Variants in DAPK1 observed in about 807,000 individuals in gnomAD.
DAPK1 encodes death-associated protein kinase 1.
In DAPK1, 56 loss-of-function variants were observed where a neutral mutation model predicts 144.9. The ratio of observed to expected loss-of-function variants is 0.39; its 90% CI spans 0.31 to 0.48. The LOEUF (loss-of-function observed/expected upper bound fraction) is 0.48. Among genes scored for constraint, DAPK1 ranks in the 20% least tolerant of loss-of-function variants. The pLI is 0.95. For synonymous variants in DAPK1, 690 were observed against 749.0 expected (o/e 0.92, Z 1.29); for missense variants, 1,454 against 1,875.4 (o/e 0.78, Z 4.15).
At chr9:87,521,750 A>G (rs1031778215) in intron 2 of DAPK1, among the ~76,000 whole-genome samples, 1 of 152,196 alleles carries the variant, frequency 6.6e-6, no homozygotes, top group African/African-American at 2.4e-5. Context: ...GACTTATGGT[A>G]GTTGCTTTGG....
At chr9:87,644,668 A>G (rs1208150106) in intron 11 of DAPK1, among the ~76,000 whole-genome samples, 1 of 152,194 alleles carries the variant, frequency 6.6e-6, no homozygotes, top group African/African-American at 2.4e-5. Context: ...TAGGTAAGAT[A>G]ATGAGAATGA....
rs200137928 is a variant in DAPK1 at position 87,642,034 on chromosome 9, G to T, written c.894G>T (p.Lys298Asn). The part of the protein sequence containing the change: ...ASAVNMEKFK[K>N]FAARKKWKQS... ...CAGTAAACATGGAGAAATTCAAGAA[G>T]TTTGCAGCCCGGAAAAAATGGAAAG... Residue 298 changes from lysine to asparagine, a missense_variant, in exon 10 of 26, where the codon AAG becomes AAT. Lys to Asn is a moderately conservative substitution (Grantham distance 94). Transcript: ENST00000408954. 1.4e-4 allele frequency: 232 copies of T among 1,613,928 alleles called. No homozygotes were observed. Among genetic ancestry groups the T allele is most frequent in the Non-Finnish European group, 1.8e-4 (216 of 1,179,966 alleles).
Position 87,596,000 on chromosome 9 carries a change from CT to C in DAPK1, c.63-8944del, listed in dbSNP as rs1036516712. Among the ~76,000 whole-genome samples, 840 of 147,012 alleles carry C rather than the reference CT, an allele frequency of 5.7e-3. 10 individuals carry two copies. Among genetic ancestry groups the C allele is most frequent in the African/African-American group, 0.019 (780 of 40,186 alleles). On this transcript the variant is annotated intron_variant, in intron 2 of 25. Transcript: ENST00000408954. ...TAATTTTTTAAAAATCACCGCTTTGCTTTTTTTTTTGGTAAAAAGTATTGCT... is the reference window on the plus strand; with the variant it reads ...TAATTTTTTAAAAATCACCGCTTTGCTTTTTTTTTGGTAAAAAGTATTGCT...
chr9:87,620,944 C>T (rs1306684768), intron 3 of DAPK1, among the ~76,000 whole-genome samples: 1 of 152,150 alleles, frequency 6.6e-6, no homozygotes, highest in Non-Finnish European at 1.5e-5. Context: ...TCTCCAAAGC[C>T]TGGGCTGAAG....
At chr9:87,562,095 G>A (rs1826947730) in intron 2 of DAPK1, among the ~76,000 whole-genome samples, 1 of 152,202 alleles carries the variant, frequency 6.6e-6, no homozygotes, top group African/African-American at 2.4e-5. Context: ...GGATTCTCAT[G>A]GGGAGAGGGA....
At position 87,628,208 on chromosome 9, in the gene DAPK1, C is replaced by A. The variant is rs1439376376; in HGVS notation, c.285-9735C>A. ...TGCTGTTCTATGAGAATCCATGCGG[C>A]TCCTTTTAAGTTGTTACTTGAACTT... On this transcript the variant is annotated intron_variant, in intron 3 of 25. Transcript: ENST00000408954. Among the ~76,000 whole-genome samples, 3 of 152,328 alleles carry A rather than the reference C, an allele frequency of 2.0e-5. No homozygotes were observed. The East Asian group carries it at 5.8e-4, about 29-fold the overall frequency.
chr9:87,503,732 A>C (rs769273473), intron 2 of DAPK1, among the ~76,000 whole-genome samples: 6 of 152,208 alleles, frequency 3.9e-5, no homozygotes, highest in Non-Finnish European at 7.3e-5. Context: ...TTAGGATATA[A>C]TGGCTGCCGC....
intron 2 of DAPK1, among the ~76,000 whole-genome samples, chr9:87,518,617 A>G (rs1484866850): frequency 1.3e-5 from 2 of 152,158 alleles, no homozygotes; most frequent in Non-Finnish European, 2.9e-5. Context: ...ACTGTAGACT[A>G]TGCCAAATGT....
chr9:87,696,251 G>A (rs1388619504), intron 21 of DAPK1, among the ~76,000 whole-genome samples: 1 of 152,108 alleles, frequency 6.6e-6, no homozygotes, highest in Non-Finnish European at 1.5e-5. Context: ...TAGCACTCCA[G>A]GGTATTAGAA....
chr9:87,626,971 G>A (rs1461469615), intron 3 of DAPK1, among the ~76,000 whole-genome samples: 2 of 152,282 alleles, frequency 1.3e-5, no homozygotes, highest in South Asian at 4.2e-4. Context: ...CCAGTACTGG[G>A]GAGGAGGGGA....
At chr9:87,600,238 G>A (rs769641381) in intron 2 of DAPK1, among the ~76,000 whole-genome samples, 8 of 152,128 alleles carry the variant, frequency 5.3e-5, no homozygotes, top group Non-Finnish European at 1.0e-4. Context: ...TCCACGATCC[G>A]TGCATGTCCA....
chr9:87,550,684 G>A (rs923270898), intron 2 of DAPK1, among the ~76,000 whole-genome samples: 1 of 152,154 alleles, frequency 6.6e-6, no homozygotes, highest in Non-Finnish European at 1.5e-5. Context: ...GGTACTGGGG[G>A]TTAGGACATC....
At chr9:87,548,022 C>T (rs142062657) in intron 2 of DAPK1, among the ~76,000 whole-genome samples, 37 of 152,290 alleles carry the variant, frequency 2.4e-4, no homozygotes, top group Admixed American at 4.6e-4. Flanking sequence ...TGGATTCATT[C>T]GGCATGTACA....
Position 87,698,765 on chromosome 9 carries a change from C to T in DAPK1, c.2721C>T (p.Asp907=), listed in dbSNP as rs529101432. The change falls in exon 23 of 26, where the codon GAC becomes GAT. Residue 907 remains aspartate, a synonymous_variant. Coordinates refer to ENST00000408954, the MANE Select transcript of DAPK1 (RefSeq NM_004938.4). ...GAGGCGAGTTTGGATATGACAAAGA[C>T]ACATCGTTGCTGAAAGAGATTAGGA... ...PAGGEFGYDK[D]TSLLKEIRNR... The T allele has an allele frequency of 1.1e-4, 172 of 1,607,154 alleles. No homozygotes were observed. The highest frequency in any genetic ancestry group is 1.3e-4 in the Non-Finnish European group (149 of 1,173,650).
intron 2 of DAPK1, among the ~76,000 whole-genome samples, chr9:87,580,306 AT>A (rs1257022995): frequency 6.6e-6 from 1 of 152,054 alleles, no homozygotes; most frequent in Non-Finnish European, 1.5e-5. Flanking sequence ...CATTTTGGGG[AT>A]GTGGCTGGAT....
At position 87,706,848 on chromosome 9, in the gene DAPK1, G is replaced by T. The variant is rs1450612029; in HGVS notation, c.3777G>T (p.Arg1259=). The T allele has an allele frequency of 6.2e-7, 1 of 1,613,904 alleles. No individual in the cohort carries two copies. Residue 1259 remains arginine, a synonymous_variant, in exon 26 of 26, where the codon CGG becomes CGT. Transcript: ENST00000408954. The surrounding 1 kb of genome is among the most constrained non-coding windows in gnomAD (Gnocchi z 9.0). The part of the protein sequence containing the change: ...VMIYQPRDFF[R]AQTLKETSLT... Reference sequence around the variant, plus strand: ...TCTACCAGCCACGGGACTTCTTCCGGGCACAGACTCTGAAGGAAACCTCAC... The same window carrying T: ...TCTACCAGCCACGGGACTTCTTCCGTGCACAGACTCTGAAGGAAACCTCAC...
intron 2 of DAPK1, among the ~76,000 whole-genome samples, chr9:87,547,892 C>A (rs945261429): frequency 6.6e-6 from 1 of 152,134 alleles, no homozygotes; most frequent in Non-Finnish European, 1.5e-5. Flanking sequence ...TGCACCTTCA[C>A]GGAAACATCT....
Position 87,651,554 on chromosome 9 carries a change from G to T in DAPK1, c.1654G>T (p.Val552Leu), listed in dbSNP as rs1432280234. 6.2e-7 allele frequency: 1 copy of T among 1,614,052 alleles called. No individual in the cohort carries two copies. Among genetic ancestry groups the T allele is most frequent in the Non-Finnish European group, 8.5e-7 (1 of 1,180,026 alleles). The part of the protein sequence containing the change: ...KDGHIALHLA[V>L]RRCQMEVIKT... ...CGGACACATTGCCCTTCATCTGGCT[G>T]TAAGACGGTGTCAGATGGAGGTAAT... Residue 552 changes from valine to leucine, a missense_variant, in exon 17 of 26, where the codon GTA becomes TTA. Transcript: ENST00000408954.
chr9:87,569,423 T>C (rs994007927), intron 2 of DAPK1, among the ~76,000 whole-genome samples: 1 of 152,258 alleles, frequency 6.6e-6, no homozygotes, highest in African/African-American at 2.4e-5. Flanking sequence ...CATTGACTTA[T>C]GTGCTTCATC....
Sources: gnomAD v4.1 joint callset for allele counts (sites outside exome capture counted in the v4.1 genomes callset) on GRCh38, gnomAD v4.1.1 for gene constraint, Gnocchi (gnomAD v3.1) non-coding constraint, MANE v1.5 for transcripts, NCBI Gene and HGNC (gene_info 2026-07-23, HGNC 2026-07-21) for gene names.